Variants in DNMBP observed in about 807,000 individuals in gnomAD.
DNMBP encodes dynamin binding protein.
In DNMBP, 87 loss-of-function variants were observed where a neutral mutation model predicts 150.0. The observed-to-expected ratio is 0.58, with a 90% CI of 0.49 to 0.69. The LOEUF is 0.69. DNMBP is among the 30% of genes least tolerant of loss of function. The pLI is 0.00. For synonymous variants in DNMBP, 711 were observed against 750.4 expected (o/e 0.95, Z 0.86); for missense variants, 1,774 against 1,949.0 (o/e 0.91, Z 1.69).
At chr10:99,879,084 C>CAAAAAAAAAAAAA (rs71009780) in intron 16 of DNMBP, among the ~76,000 whole-genome samples, 1,293 of 61,908 alleles carry the variant, frequency 0.021, 80 homozygotes, top group African/African-American at 0.063. Flanking sequence ...GACTCTGTCT[C>CAAAAAAAAAAAAA]AAAAAAAAAA....
chr10:99,902,320 T>TTC (rs1381847575), intron 6 of DNMBP, among the ~76,000 whole-genome samples: 5 of 126,844 alleles, frequency 3.9e-5, no homozygotes, highest in Admixed American at 1.6e-4. Context: ...TTTTTTTTTT[T>TTC]TTTTTTTGAG....
intron 1 of DNMBP, among the ~76,000 whole-genome samples, chr10:99,998,544 C>T (rs905932792): frequency 1.4e-5 from 2 of 141,002 alleles, no homozygotes; most frequent in African/African-American, 2.7e-5. Context: ...CACACCACTG[C>T]ACTCCAGTTT....
chr10:99,948,128 C>T (rs181943947), intron 4 of DNMBP, among the ~76,000 whole-genome samples: 236 of 152,240 alleles, frequency 1.6e-3, no homozygotes, highest in African/African-American at 4.7e-3. Flanking sequence ...TTAAAAAAGT[C>T]TATTATCAGG....
intron 3 of DNMBP, chr10:99,957,845 A>C (rs1188165389): frequency 1.3e-5 from 2 of 151,784 alleles, no homozygotes; most frequent in Non-Finnish European, 2.9e-5. Flanking sequence ...AAAAATAAAA[A>C]TAAAATGGCT....
intron 4 of DNMBP, among the ~76,000 whole-genome samples, chr10:99,946,454 A>G (rs952958910): frequency 2.0e-5 from 3 of 152,244 alleles, no homozygotes; most frequent in Non-Finnish European, 4.4e-5. Context: ...CCAGAAATAG[A>G]GCTGCACACC....
intron 1 of DNMBP, among the ~76,000 whole-genome samples, chr10:100,000,127 T>C (rs2040993438): frequency 6.6e-6 from 1 of 152,246 alleles, no homozygotes; most frequent in African/African-American, 2.4e-5. Context: ...CTGTTCATCG[T>C]AACAATTCTG....
chr10:99,979,084 T>C (rs913488319), intron 1 of DNMBP, among the ~76,000 whole-genome samples: 1 of 152,196 alleles, frequency 6.6e-6, no homozygotes, highest in African/African-American at 2.4e-5. Flanking sequence ...CTATAATTCA[T>C]ACATTCAATG....
intron 6 of DNMBP, among the ~76,000 whole-genome samples, chr10:99,901,085 G>A (rs182916272): frequency 2.2e-4 from 33 of 152,134 alleles, no homozygotes; most frequent in African/African-American, 6.0e-4. Flanking sequence ...ACAGATGTGC[G>A]CTGCCACACC....
At chr10:99,891,163 T>G (rs181964815) in intron 11 of DNMBP, among the ~76,000 whole-genome samples, 85 of 147,760 alleles carry the variant, frequency 5.8e-4, no homozygotes, top group Middle Eastern at 3.5e-3. Context: ...CCTCTCCCTC[T>G]CCCCCTCTCC....
chr10:99,891,518 C>T (rs1178281434), intron 11 of DNMBP, among the ~76,000 whole-genome samples: 5 of 152,006 alleles, frequency 3.3e-5, no homozygotes, highest in Admixed American at 2.0e-4. Flanking sequence ...GATCTCGGCT[C>T]GCTACAACCT....
intron 1 of DNMBP, among the ~76,000 whole-genome samples, chr10:99,985,113 T>C (rs2040816299): frequency 1.3e-5 from 2 of 152,068 alleles, no homozygotes; most frequent in Non-Finnish European, 2.9e-5. Flanking sequence ...TTTAGAAAAC[T>C]GAAGATTCTG....
intron 11 of DNMBP, among the ~76,000 whole-genome samples, chr10:99,892,760 A>G (rs570916439): frequency 2.0e-3 from 311 of 152,042 alleles, no homozygotes; most frequent in Non-Finnish European, 3.7e-3. Flanking sequence ...TCAATAAAAA[A>G]ATAAATTAAA....
Position 99,955,364 on chromosome 10 carries a change from C to T in DNMBP, c.2110G>A (p.Asp704Asn), listed in dbSNP as rs2040472622. ...VLVRIEEMER[D>N]LDMYSRAQEE... ...TGAGCTCTACTGTACATATCCAAGT[C>T]CCGCTCCATTTCCTCAATCCTCACC... Residue 704 changes from aspartate (D) to asparagine (N), a missense_variant, in exon 4 of 17, where the codon GAC becomes AAC. By Grantham distance (23) the Asp-to-Asn change is conservative. Transcript: ENST00000324109. 1.2e-6 allele frequency: 2 copies of T among 1,614,158 alleles called. No individual in the cohort carries two copies. The highest frequency in any genetic ancestry group is 4.5e-5 in the East Asian group (2 of 44,878).
At position 99,884,128 on chromosome 10, in the gene DNMBP, G is replaced by A. The variant is rs377597240; in HGVS notation, c.3880C>T (p.Arg1294Trp). 9.9e-6 allele frequency: 16 copies of A among 1,614,032 alleles called. No individual in the cohort carries two copies. The Admixed American group carries it at 1.3e-4, about 13-fold the overall frequency. ...YPPEKLFQAERNFNAAQDLDV... is the reference protein window; with the variant it reads ...YPPEKLFQAEWNFNAAQDLDV... ...AAGTCTTGAGCAGCATTGAAGTTCC[G>A]TTCTGCCTGGAAGAGTTTTTCAGGG... The change falls in exon 15 of 17, where the codon CGG becomes TGG. Residue 1294 changes from arginine (R) to tryptophan (W), a missense_variant. Transcript: ENST00000324109.
At chr10:99,994,942 G>GTTT (rs1203130737) in intron 1 of DNMBP, among the ~76,000 whole-genome samples, 2 of 152,064 alleles carry the variant, frequency 1.3e-5, no homozygotes, top group African/African-American at 4.8e-5. Context: ...TTTGTTTAAA[G>GTTT]AGACAGGGTC....
intron 1 of DNMBP, among the ~76,000 whole-genome samples, chr10:99,992,876 CT>C (rs2040911757): frequency 6.6e-6 from 1 of 151,880 alleles, no homozygotes; most frequent in Non-Finnish European, 1.5e-5. Flanking sequence ...AATCTGGTCT[CT>C]ACAAAAAATA....
chr10:99,930,453 T>G (rs1203460488), intron 4 of DNMBP: 5 of 702,888 alleles, frequency 7.1e-6, no homozygotes, highest in African/African-American at 1.7e-5. Context: ...ATCTACATTT[T>G]CTGGACTCCT....
chr10:99,900,640 A>C (rs565154841), intron 6 of DNMBP, among the ~76,000 whole-genome samples: 1 of 149,328 alleles, frequency 6.7e-6, no homozygotes, highest in East Asian at 2.0e-4. Context: ...TCAGTTTCTT[A>C]TTTTTTTTTC....
Position 99,895,388 on chromosome 10 carries a change from A to T in DNMBP, c.3052-338T>A, listed in dbSNP as rs560605465. ...GTGATCCACCCCGCCTTGGCCTCCC[A>T]GAGTGCTGGGATTATAGGCATGAGC... On this transcript the variant is annotated intron_variant, in intron 10 of 16. Transcript: ENST00000324109. Among the ~76,000 whole-genome samples, 12 of 152,288 alleles carry T rather than the reference A, an allele frequency of 7.9e-5. No individual in the cohort carries two copies. In the South Asian group the frequency reaches 1.5e-3, roughly 18 times the overall value.
Sources: allele counts gnomAD v4.1 joint callset (sites outside exome capture counted in the v4.1 genomes callset), GRCh38; gene constraint gnomAD v4.1.1; transcripts MANE v1.5; gene names NCBI Gene and HGNC (gene_info 2026-07-23, HGNC 2026-07-21).